Variants in IGFBP7 observed in about 807,000 individuals in gnomAD.
IGFBP7 encodes the protein insulin like growth factor binding protein 7.
In IGFBP7, 31 loss-of-function variants were observed where a neutral mutation model predicts 29.4. That is an observed-to-expected ratio of 1.05 (90% CI 0.79 to 1.42). The LOEUF (loss-of-function observed/expected upper bound fraction) is 1.42, where lower values mean the gene tolerates loss of function less well. Ranked by LOEUF, IGFBP7 falls within the 40% of genes most tolerant of loss-of-function variation. The probability of loss-of-function intolerance (pLI) is 0.00; values close to 1 mark genes in which losing one functional copy is unlikely to be tolerated. For missense variants in IGFBP7, 393 were observed against 395.5 expected, an observed-to-expected ratio of 0.99 and a Z score of 0.05; for synonymous variants, 172 against 174.9, an observed-to-expected ratio of 0.98 and a Z score of 0.13.
Position 57,079,766 on chromosome 4 carries a change from T to C in IGFBP7, c.475+30111A>G, listed in dbSNP as rs551051547. Among the ~76,000 whole-genome samples the C allele has an allele frequency of 2.2e-4, 34 of 152,364 alleles. No homozygotes were observed. The South Asian group carries it at 6.2e-3, about 28-fold the overall frequency. On this transcript the variant is annotated intron_variant, in intron 1 of 4. Transcript: ENST00000295666. ...AACAGCGCTTTTCCTATCACTCTCA[T>C]GCTATTTGTCTCATTAATAATTGTT...
chr4:57,031,077 G>A lies in IGFBP7; in HGVS notation c.*240C>T. ...TTTAAAAATGACAAATATGTACTGT[G>A]TTGTGATAAAAAGTATTTTATTTGT... On this transcript the variant is annotated 3_prime_UTR_variant, in exon 5 of 5. Coordinates refer to ENST00000295666, the MANE Select transcript of IGFBP7 (RefSeq NM_001553.3). 1.2e-6 allele frequency: 1 copy of A among 838,562 alleles called. No individual in the cohort carries two copies. Among genetic ancestry groups the A allele is most frequent in the South Asian group, 1.5e-5 (1 of 67,878 alleles). The allele number at this position is 838,562 out of a possible 1,614,324, so 51.9% of individuals were successfully genotyped here. A position where few individuals can be genotyped will look rare whatever the true frequency, so the allele number is the denominator to read the frequency against.
intron 1 of IGFBP7, among the ~76,000 whole-genome samples, chr4:57,046,942 C>A (rs1239820913): frequency 6.6e-6 from 1 of 152,190 alleles, no homozygotes; most frequent in African/African-American, 2.4e-5. Context: ...CCTTCTCAAC[C>A]CTCTAAATTC....
intron 1 of IGFBP7, among the ~76,000 whole-genome samples, chr4:57,103,809 C>T (rs1725959502): frequency 6.6e-6 from 1 of 151,498 alleles, no homozygotes; most frequent in Non-Finnish European, 1.5e-5. Flanking sequence ...CAGGTGTGTG[C>T]CACCACACCC....
chr4:57,077,438 C>T (rs1718844), intron 1 of IGFBP7, among the ~76,000 whole-genome samples: 95,715 of 151,874 alleles, frequency 0.63, 30,638 homozygotes, highest in East Asian at 0.89. Flanking sequence ...CCACCATACC[C>T]GGCTAATTTT....
intron 1 of IGFBP7, among the ~76,000 whole-genome samples, chr4:57,074,207 C>T (rs1227233322): frequency 7.9e-5 from 12 of 152,150 alleles, no homozygotes; most frequent in East Asian, 3.9e-4. Context: ...ATTACAGGTT[C>T]GTGCCACCAC....
intron 1 of IGFBP7, among the ~76,000 whole-genome samples, chr4:57,056,693 G>A (rs1218664447): frequency 6.6e-6 from 1 of 152,194 alleles, no homozygotes; most frequent in Non-Finnish European, 1.5e-5. Context: ...GGGGACAGAG[G>A]AGTCCATCTG....
At chr4:57,079,146 G>A (rs1189019128) in intron 1 of IGFBP7, among the ~76,000 whole-genome samples, 1 of 137,338 alleles carries the variant, frequency 7.3e-6, no homozygotes, top group East Asian at 2.1e-4. Flanking sequence ...GCTCAACTCA[G>A]AGTATTTCTC....
In IGFBP7 at chr4:57,072,744, C is replaced by A. The variant is rs1380941300; in HGVS notation, c.476-31811G>T. The A allele has an allele frequency of 6.1e-6, 3 of 491,710 alleles. No homozygotes were observed. The Admixed American group carries it at 6.4e-5, about 10-fold the overall frequency. The allele number at this position is 491,710 out of a possible 1,614,324, so 30.5% of individuals were successfully genotyped here. A position where few individuals can be genotyped will look rare whatever the true frequency, so the allele number is the denominator to read the frequency against. Reference sequence around the variant, plus strand: ...ACAATGCCTAGTGACACAGGGATTTCTGCCTTGCCTGAATCAGGCAACCTT... The same window carrying A: ...ACAATGCCTAGTGACACAGGGATTTATGCCTTGCCTGAATCAGGCAACCTT... On this transcript the variant is annotated intron_variant, in intron 1 of 4. Coordinates refer to ENST00000295666, the MANE Select transcript of IGFBP7 (RefSeq NM_001553.3).
intron 1 of IGFBP7, among the ~76,000 whole-genome samples, chr4:57,043,216 T>TG (rs1415024555): frequency 1.3e-5 from 2 of 152,220 alleles, no homozygotes; most frequent in African/African-American, 4.8e-5. Flanking sequence ...GTCATGGAGC[T>TG]GGCAGTCTGG....
intron 1 of IGFBP7, among the ~76,000 whole-genome samples, chr4:57,099,728 TC>T (rs1326349001): frequency 6.6e-6 from 1 of 152,180 alleles, no homozygotes; most frequent in Non-Finnish European, 1.5e-5. Flanking sequence ...AAGGTTGGGC[TC>T]TAAGGTTTTC....
At chr4:57,098,921 G>T (rs950089910) in intron 1 of IGFBP7, among the ~76,000 whole-genome samples, 2 of 152,190 alleles carry the variant, frequency 1.3e-5, no homozygotes, top group African/African-American at 4.8e-5. Flanking sequence ...AATCCTGCAG[G>T]CTTGGGCTAC....
At chr4:57,068,285 C>CA (rs199520507) in intron 1 of IGFBP7, among the ~76,000 whole-genome samples, 4,710 of 73,698 alleles carry the variant, frequency 0.064, 176 homozygotes, top group African/African-American at 0.17. Flanking sequence ...GACCCTGTCT[C>CA]AAAAAAAAAA....
At chr4:57,082,477 A>G (rs1725393671) in intron 1 of IGFBP7, among the ~76,000 whole-genome samples, 1 of 152,218 alleles carries the variant, frequency 6.6e-6, no homozygotes, top group African/African-American at 2.4e-5. Flanking sequence ...GAATCATTCT[A>G]GATCTATGAG....
rs529372148 is a variant in IGFBP7 at position 57,041,332 on chromosome 4, A to T, written c.476-399T>A. Among the ~76,000 whole-genome samples, 22 of 152,300 alleles carry T rather than the reference A, an allele frequency of 1.4e-4. No homozygotes were observed. In the South Asian group the frequency reaches 4.6e-3, roughly 32 times the overall value. ...TTCTATTTTGGGTTGGAAAGGCAACAAGCAACCGCTCCATGGGTAATGAAG... is the reference window on the plus strand; with the variant it reads ...TTCTATTTTGGGTTGGAAAGGCAACTAGCAACCGCTCCATGGGTAATGAAG... On this transcript the variant is annotated intron_variant, in intron 1 of 4. Transcript: ENST00000295666.
chr4:57,039,242 A>G (rs1203451822), intron 2 of IGFBP7, among the ~76,000 whole-genome samples: 2 of 152,224 alleles, frequency 1.3e-5, no homozygotes, highest in African/African-American at 4.8e-5. Context: ...AAAAATTTCC[A>G]GGAACAGTAG....
chr4:57,102,976 T>C (rs1157608761), intron 1 of IGFBP7, among the ~76,000 whole-genome samples: 1 of 152,072 alleles, frequency 6.6e-6, no homozygotes, highest in Admixed American at 6.5e-5. Flanking sequence ...CAAGTGGTGG[T>C]AATTTGGAGG....
At chr4:57,049,670 G>A (rs574355053) in intron 1 of IGFBP7, among the ~76,000 whole-genome samples, 2 of 152,284 alleles carry the variant, frequency 1.3e-5, no homozygotes, top group East Asian at 3.9e-4. Flanking sequence ...GTTCCACAGA[G>A]TGTAGTGCAT....
intron 1 of IGFBP7, among the ~76,000 whole-genome samples, chr4:57,096,494 T>C (rs1280729698): frequency 4.6e-5 from 7 of 151,990 alleles, no homozygotes; most frequent in Non-Finnish European, 1.0e-4. Flanking sequence ...TCCAAACCAA[T>C]TAAATGAGAA....
intron 1 of IGFBP7, among the ~76,000 whole-genome samples, chr4:57,061,033 G>C (rs1724785098): frequency 6.7e-6 from 1 of 150,220 alleles, no homozygotes; most frequent in Non-Finnish European, 1.5e-5. Flanking sequence ...TTGCAGCCTG[G>C]GGCAACAGCG....
Sources: allele counts gnomAD v4.1 joint callset (sites outside exome capture counted in the v4.1 genomes callset), GRCh38; gene constraint gnomAD v4.1.1; transcripts MANE v1.5; gene names NCBI Gene and HGNC (gene_info 2026-07-23, HGNC 2026-07-21).